The following RBFOX1 variants were observed in gnomAD, a reference collection of about 807,000 sequenced individuals.
The protein encoded by RBFOX1 is RNA binding fox-1 homolog 1, also known as RNA binding protein fox-1 homolog 1.
In RBFOX1, 8 loss-of-function variants were observed where a neutral mutation model predicts 57.7. The ratio of observed to expected loss-of-function variants is 0.14; its 90% confidence interval spans 0.08 to 0.25. RBFOX1 has a LOEUF of 0.25. Ranked by LOEUF, RBFOX1 falls within the 10% of genes least tolerant of loss-of-function variation. RBFOX1 has a pLI of 1.00. For missense variants in RBFOX1, 611 were observed against 548.5 expected (o/e 1.11, Z -1.14); for synonymous variants, 326 against 222.4 (o/e 1.47, Z -4.15).
At chr16:6,296,376 G>GT (rs1567874911) in intron 1 of RBFOX1, among the ~76,000 whole-genome samples, 1 of 151,652 alleles carries the variant, frequency 6.6e-6, no homozygotes, top group African/African-American at 2.4e-5. Context: ...TATAAAGGCA[G>GT]TTTCACCTCA....
intron 3 of RBFOX1, among the ~76,000 whole-genome samples, chr16:6,942,246 C>G (rs113515412): frequency 6.6e-6 from 1 of 151,972 alleles, no homozygotes; most frequent in Non-Finnish European, 1.5e-5. Context: ...CACCACTGCA[C>G]TTCAGCCTGA....
At chr16:5,476,350 T>C (rs1184007342) in intron 2 of RBFOX1, among the ~76,000 whole-genome samples, 1 of 152,212 alleles carries the variant, frequency 6.6e-6, no homozygotes, top group African/African-American at 2.4e-5. Context: ...ACATTTCTTA[T>C]ATGCTCCAAA....
chr16:6,740,618 A>G (rs8061698), intron 3 of RBFOX1, among the ~76,000 whole-genome samples: 39,587 of 152,142 alleles, frequency 0.26, 5,971 homozygotes, highest in Admixed American at 0.34. Context: ...GCAACTTAAA[A>G]TACAATACAA....
At chr16:6,794,723 G>T (rs759615200) in intron 3 of RBFOX1, among the ~76,000 whole-genome samples, 27 of 152,170 alleles carry the variant, frequency 1.8e-4, no homozygotes, top group African/African-American at 2.4e-4. Flanking sequence ...CATAATAGCA[G>T]CTTGGATCCA....
At chr16:6,327,491 C>G (rs1013541857) in intron 2 of RBFOX1, among the ~76,000 whole-genome samples, 1 of 152,016 alleles carries the variant, frequency 6.6e-6, no homozygotes, top group Non-Finnish European at 1.5e-5. Context: ...TGGATTTGCT[C>G]ATTTACAGTC....
intron 4 of RBFOX1, among the ~76,000 whole-genome samples, chr16:7,289,051 A>C (rs2141455978): frequency 6.6e-6 from 1 of 152,318 alleles, no homozygotes; most frequent in South Asian, 2.1e-4. Flanking sequence ...AAAAGATCAT[A>C]AATTATTAAC....
chr16:5,764,697 C>G (rs2053715445), intron 3 of RBFOX1, among the ~76,000 whole-genome samples: 2 of 152,180 alleles, frequency 1.3e-5, no homozygotes, highest in Admixed American at 6.5e-5. Flanking sequence ...CACCTGTACA[C>G]TTGGATTTTG....
rs922661817 is a variant in RBFOX1, at chr16:7,241,775, TTC to T, written c.27+189681_27+189682del. Among the ~76,000 whole-genome samples, 188 of 152,106 alleles carry T rather than the reference TTC, an allele frequency of 1.2e-3. 1 individual carries two copies. The highest frequency in any genetic ancestry group is 4.3e-3 in the African/African-American group (180 of 41,506). ...CCCATTTTCTCATCCCCCCTTCTTT[TTC>T]TCTTTCAATCTGTCTATAAATGTAG... On this transcript the variant is annotated intron_variant, in intron 4 of 15. Coordinates refer to ENST00000550418, the MANE Select transcript of RBFOX1 (RefSeq NM_018723.4).
intron 3 of RBFOX1, among the ~76,000 whole-genome samples, chr16:6,684,899 C>T (rs772985921): frequency 2.1e-4 from 32 of 152,256 alleles, no homozygotes; most frequent in Middle Eastern, 6.8e-3. Context: ...TCTATACATA[C>T]GAAGTCCTAG....
At chr16:6,080,333 C>T (rs1448877764) in intron 1 of RBFOX1, among the ~76,000 whole-genome samples, 5 of 152,142 alleles carry the variant, frequency 3.3e-5, no homozygotes, top group Non-Finnish European at 5.9e-5. Context: ...CTGGGTATCT[C>T]TGACCTTCAG....
chr16:6,065,066 C>A (rs2095742579), intron 1 of RBFOX1, among the ~76,000 whole-genome samples: 1 of 150,812 alleles, frequency 6.6e-6, no homozygotes, highest in Non-Finnish European at 1.5e-5. Flanking sequence ...CTTGTTCTGT[C>A]ACCCAGGCTA....
At chr16:5,957,198 C>G in intron 4 of RBFOX1, among the ~76,000 whole-genome samples, 1 of 151,984 alleles carries the variant, frequency 6.6e-6, no homozygotes. Flanking sequence ...CTATGAGAAA[C>G]AATTTATTTT....
chr16:5,912,928 G>A (rs1487211728), intron 4 of RBFOX1, among the ~76,000 whole-genome samples: 1 of 152,164 alleles, frequency 6.6e-6, no homozygotes, highest in Non-Finnish European at 1.5e-5. Flanking sequence ...CAGAGGGGAG[G>A]CAGGACAGCT....
At chr16:7,131,498 G>A (rs149405315) in intron 4 of RBFOX1, among the ~76,000 whole-genome samples, 548 of 151,626 alleles carry the variant, frequency 3.6e-3, no homozygotes, top group African/African-American at 0.013. Flanking sequence ...TTGAGGGAAT[G>A]AGTACCTGAA....
intron 4 of RBFOX1, among the ~76,000 whole-genome samples, chr16:7,338,911 G>C (rs1035026394): frequency 2.0e-5 from 3 of 152,212 alleles, no homozygotes; most frequent in African/African-American, 4.8e-5. Flanking sequence ...TGGAATGTCT[G>C]TTGATTGGGA....
chr16:5,849,482 G>C (rs898946721), intron 3 of RBFOX1, among the ~76,000 whole-genome samples: 1 of 152,020 alleles, frequency 6.6e-6, no homozygotes, highest in Non-Finnish European at 1.5e-5. Context: ...TCTCCCAGGG[G>C]TCATATCCTA....
chr16:5,646,863 G>A (rs574153706), intron 3 of RBFOX1, among the ~76,000 whole-genome samples: 45 of 152,168 alleles, frequency 3.0e-4, no homozygotes, highest in African/African-American at 1.1e-3. Flanking sequence ...TCAATCTCTT[G>A]ACCTCATGAT....
intron 3 of RBFOX1, among the ~76,000 whole-genome samples, chr16:6,938,046 T>C (rs971390950): frequency 2.6e-5 from 4 of 151,830 alleles, no homozygotes; most frequent in African/African-American, 9.7e-5. Flanking sequence ...TGGGAGCTAA[T>C]TGTGATATGG....
chr16:7,441,679 C>T (rs1567184586), intron 4 of RBFOX1, among the ~76,000 whole-genome samples: 1 of 152,086 alleles, frequency 6.6e-6, no homozygotes, highest in Non-Finnish European at 1.5e-5. Flanking sequence ...TGGCTTCTTG[C>T]AAAAAAATCA....
Sources: gnomAD v4.1 joint callset for allele counts (sites outside exome capture counted in the v4.1 genomes callset) on GRCh38, gnomAD v4.1.1 for gene constraint, MANE v1.5 for transcripts, NCBI Gene and HGNC (gene_info 2026-07-23, HGNC 2026-07-21) for gene names.